The following ANKRD24 variants were observed in gnomAD, a reference collection of about 807,000 sequenced individuals.
ANKRD24 encodes ankyrin repeat domain 24, also known as ankyrin repeat domain-containing protein 24.
In ANKRD24, 109 loss-of-function variants were observed where a neutral mutation model predicts 127.8. The observed-to-expected ratio is 0.85, with a 90% confidence interval of 0.73 to 1.00. The LOEUF (loss-of-function observed/expected upper bound fraction) is 1.00, where lower values mean the gene tolerates loss of function less well. Ranked by LOEUF, ANKRD24 falls within the 50% of genes least tolerant of loss-of-function variation. ANKRD24 has a pLI of 0.00. For missense variants in ANKRD24, 1,648 were observed against 1,570.2 expected, an observed-to-expected ratio of 1.05 and a Z score of -0.84; for synonymous variants, 743 against 671.1, an observed-to-expected ratio of 1.11 and a Z score of -1.66.
intron 2 of ANKRD24, among the ~76,000 whole-genome samples, chr19:4,197,757 A>G (rs1023589298): frequency 2.0e-5 from 3 of 152,174 alleles, no homozygotes; most frequent in Non-Finnish European, 2.9e-5. Context: ...GAAGGAATGA[A>G]CGAGTGAATG....
Position 4,198,518 on chromosome 19 carries a change from G to A in ANKRD24, c.37-1165G>A. On this transcript the variant is annotated intron_variant, in intron 2 of 21. Transcript: ENST00000318934. This position sits in a 1 kb window ranked among gnomAD's most constrained non-coding sequence, Gnocchi z 6.1. ...CATGAAGCAGCTGTGTCTGTGCGCA[G>A]CCGCCTCCTTCGCGGTAGGGCCCGG... 1 of 609,600 alleles carries A rather than the reference G, an allele frequency of 1.6e-6. No individual in the cohort carries two copies. Among genetic ancestry groups the A allele is most frequent in the Non-Finnish European group, 3.0e-6 (1 of 338,748 alleles). 37.8% of individuals were successfully genotyped at this position (609,600 alleles called of 1,614,324 possible).
chr19:4,208,858 C>G, intron 11 of ANKRD24, 57 bp downstream of exon 11: 2 of 1,556,530 alleles, frequency 1.3e-6, no homozygotes, highest in East Asian at 2.3e-5. Flanking sequence ...ACTAACTTCT[C>G]CCCTGCCCCA....
chr19:4,219,824 A>G, intron 19 of ANKRD24, 66 bp downstream of exon 19: 1 of 1,490,188 alleles, frequency 6.7e-7, no homozygotes, highest in Non-Finnish European at 9.0e-7. Context: ...GGGCCAATCT[A>G]CGAAGGTCCT....
rs138634396 is a variant in ANKRD24 at position 4,194,394 on chromosome 19, C to A, written c.37-5289C>A. Among the ~76,000 whole-genome samples, 20 of 152,302 alleles carry A rather than the reference C, an allele frequency of 1.3e-4. No homozygotes were observed. The East Asian group carries it at 3.3e-3, about 25-fold the overall frequency. On this transcript the variant is annotated intron_variant, in intron 2 of 21. Coordinates refer to ENST00000318934, the MANE Select transcript of ANKRD24 (RefSeq NM_001393985.1). The stretch of plus-strand genomic sequence containing the variant: ...TCTTGAACTCCTGACTTCAGGCGAT[C>A]AGCCCACCTTGGCCTCCCAAAGTGC...
Position 4,217,800 on chromosome 19 carries a change from C to G in ANKRD24, c.2640C>G (p.Ala880=). ...AAAELGRARD[A]AEARVAELPA... is the part of the protein sequence containing the mutation. ...CGGAACTGGGCCGGGCACGGGACGC[C>G]GCTGAGGCCCGAGTGGCTGAGCTGC... The change falls in exon 18 of 22, where the codon GCC becomes GCG. Residue 880 remains alanine, a synonymous_variant. Coordinates refer to ENST00000318934, the MANE Select transcript of ANKRD24 (RefSeq NM_001393985.1). The G allele has an allele frequency of 3.7e-6, 5 of 1,353,712 alleles. No homozygotes were observed. The highest frequency in any genetic ancestry group is 4.7e-6 in the Non-Finnish European group (5 of 1,057,952). The allele number at this position is 1,353,712 out of a possible 1,614,324, so 83.9% of individuals were successfully genotyped here.
chr19:4,212,746 C>A (rs975986481), intron 15 of ANKRD24, 48 bp downstream of exon 15: 1 of 1,504,696 alleles, frequency 6.6e-7, no homozygotes, highest in Admixed American at 2.0e-5. Context: ...GGTCGGGGAA[C>A]TTCTCTCCTA....
In ANKRD24 at chr19:4,198,384, G is replaced by C; in HGVS notation, c.37-1299G>C. On this transcript the variant is annotated intron_variant, in intron 2 of 21. Coordinates refer to ENST00000318934, the MANE Select transcript of ANKRD24 (RefSeq NM_001393985.1). This position sits in a 1 kb window ranked among gnomAD's most constrained non-coding sequence, Gnocchi z 6.1. ...CGGGCGGGCGGGGCGGGGAGCTCCGGCAGCGCCCAGCCCCGCCCTCCGGCC... is the reference window on the plus strand; with the variant it reads ...CGGGCGGGCGGGGCGGGGAGCTCCGCCAGCGCCCAGCCCCGCCCTCCGGCC... 2.3e-6 allele frequency: 1 copy of C among 426,690 alleles called. No individual in the cohort carries two copies. Among genetic ancestry groups the C allele is most frequent in the Non-Finnish European group, 4.1e-6 (1 of 242,646 alleles). The allele number at this position is 426,690 out of a possible 1,614,324, so 26.4% of individuals were successfully genotyped here.
In ANKRD24 at chr19:4,199,423, G is replaced by C; in HGVS notation, c.37-260G>C. The C allele has an allele frequency of 1.2e-6, 1 of 833,762 alleles. No individual in the cohort carries two copies. 51.6% of individuals were successfully genotyped at this position (833,762 alleles called of 1,614,324 possible). On this transcript the variant is annotated intron_variant, in intron 2 of 21. Coordinates refer to ENST00000318934, the MANE Select transcript of ANKRD24 (RefSeq NM_001393985.1). This position sits in a 1 kb window ranked among gnomAD's most constrained non-coding sequence, Gnocchi z 5.2. ...GACGGGGTCCTACTATGGTGCCCAG[G>C]TTTGTCTCAAACTCCTAGGCTCAAG...
In ANKRD24 at chr19:4,199,356, A is replaced by G. The variant is rs1968950613; in HGVS notation, c.37-327A>G. 3.3e-6 allele frequency: 1 copy of G among 302,076 alleles called. No individual in the cohort carries two copies. Among genetic ancestry groups the G allele is most frequent in the African/African-American group, 2.3e-5 (1 of 44,118 alleles). 18.7% of individuals were successfully genotyped at this position (302,076 alleles called of 1,614,324 possible). A position where few individuals can be genotyped will look rare whatever the true frequency, so the allele number is the denominator to read the frequency against. On this transcript the variant is annotated intron_variant, in intron 2 of 21. Transcript: ENST00000318934. This position sits in a 1 kb window ranked among gnomAD's most constrained non-coding sequence, Gnocchi z 5.2. ...CTCAGCCTCCCAAGCAGCTACAGGCATGAGCCACCATGCCCCGCTGATGAT... is the reference window on the plus strand; with the variant it reads ...CTCAGCCTCCCAAGCAGCTACAGGCGTGAGCCACCATGCCCCGCTGATGAT...
At chr19:4,196,466 C>G (rs538452009) in intron 2 of ANKRD24, among the ~76,000 whole-genome samples, 18 of 152,268 alleles carry the variant, frequency 1.2e-4, no homozygotes, top group African/African-American at 4.3e-4. Context: ...ACCTCTGCCT[C>G]CAGGGTTCAA....
At position 4,212,583 on chromosome 19, in the gene ANKRD24, T is replaced by C; in HGVS notation, c.1099-17T>C. 1.9e-6 allele frequency: 3 copies of C among 1,549,778 alleles called. No homozygotes were observed. The highest frequency in any genetic ancestry group is 2.6e-6 in the Non-Finnish European group (3 of 1,146,412). ...CTTTCCTCCCAGAGGCAGCTGAGCCTCCACTGCTGCTCCCAGGTGCAAGAG... is the reference window on the plus strand; with the variant it reads ...CTTTCCTCCCAGAGGCAGCTGAGCCCCCACTGCTGCTCCCAGGTGCAAGAG... On this transcript the variant is annotated splice_polypyrimidine_tract_variant and intron_variant, in intron 14 of 21. Coordinates refer to ENST00000318934, the MANE Select transcript of ANKRD24 (RefSeq NM_001393985.1).
At chr19:4,214,801 C>T (rs1349004021) in intron 15 of ANKRD24, among the ~76,000 whole-genome samples, 1 of 152,162 alleles carries the variant, frequency 6.6e-6, no homozygotes, top group Non-Finnish European at 1.5e-5. Context: ...TTGCAGTGAG[C>T]CAAGATCACG....
intron 15 of ANKRD24, among the ~76,000 whole-genome samples, chr19:4,214,004 G>A (rs536513731): frequency 3.0e-4 from 45 of 152,158 alleles, no homozygotes; most frequent in Non-Finnish European, 5.0e-4. Context: ...TGCACGTGGC[G>A]GAGCATGGTT....
Position 4,216,289 on chromosome 19 carries a change from G to T in ANKRD24, c.1276G>T (p.Glu426Ter). 6.4e-7 allele frequency: 1 copy of T among 1,553,532 alleles called. No individual in the cohort carries two copies. The highest frequency in any genetic ancestry group is 1.2e-5 in the South Asian group (1 of 84,134). The change falls in exon 17 of 22, where the codon GAG becomes TAG. Residue 426 changes from glutamate (E) to a stop codon, truncating the protein, a stop_gained. Transcript: ENST00000318934. LOFTEE classifies it high-confidence loss of function. The part of the protein sequence containing the change: ...EGELPDLPGA[E>*]VLLSRQLSPS... The stretch of plus-strand genomic sequence containing the variant: ...GACTCTGCGTCCCCCTCCAGGGGCC[G>T]AGGTGCTGCTGTCCAGACAACTCAG...
rs741138 is a variant in ANKRD24, at chr19:4,198,662, G to A, written c.37-1021G>A. The A allele has an allele frequency of 5.0e-6, 2 of 401,844 alleles. No individual in the cohort carries two copies. The highest frequency in any genetic ancestry group is 1.7e-4 in the South Asian group (2 of 11,748). 24.9% of individuals were successfully genotyped at this position (401,844 alleles called of 1,614,324 possible). A position where few individuals can be genotyped will look rare whatever the true frequency, so the allele number is the denominator to read the frequency against. On this transcript the variant is annotated intron_variant, in intron 2 of 21. Transcript: ENST00000318934. This position sits in a 1 kb window ranked among gnomAD's most constrained non-coding sequence, Gnocchi z 6.1. The stretch of plus-strand genomic sequence containing the variant: ...CGGGAAAGATGGTCGGCGGCGGGGG[G>A]TGGGGGGGAACAGAGGTTGGGGCAG...
chr19:4,205,348 C>T (rs533174536), intron 7 of ANKRD24, among the ~76,000 whole-genome samples: 1 of 152,340 alleles, frequency 6.6e-6, no homozygotes, highest in African/African-American at 2.4e-5. Flanking sequence ...CCTCATACTG[C>T]CTCAGACATA....
chr19:4,218,768 T>C (rs1417918599), intron 18 of ANKRD24, among the ~76,000 whole-genome samples: 29 of 143,906 alleles, frequency 2.0e-4, no homozygotes, highest in African/African-American at 6.3e-4. Flanking sequence ...TTTTTTTTTT[T>C]CAGACAGGGT....
chr19:4,200,788 G>A (rs1467706673), intron 5 of ANKRD24, among the ~76,000 whole-genome samples: 1 of 152,124 alleles, frequency 6.6e-6, no homozygotes, highest in Non-Finnish European at 1.5e-5. Context: ...CTCCCAAAGT[G>A]CTGAGATTAT....
At chr19:4,213,537 C>T (rs552247307) in intron 15 of ANKRD24, among the ~76,000 whole-genome samples, 1 of 146,310 alleles carries the variant, frequency 6.8e-6, no homozygotes, top group South Asian at 2.2e-4. Context: ...TTCACGGCAA[C>T]CTCTGCCTCC....
Sources: gnomAD v4.1 joint callset for allele counts (sites outside exome capture counted in the v4.1 genomes callset) on GRCh38, gnomAD v4.1.1 for gene constraint, Gnocchi (gnomAD v3.1) non-coding constraint, MANE v1.5 for transcripts, NCBI Gene and HGNC (gene_info 2026-07-23, HGNC 2026-07-21) for gene names.